Variants in ASTN2 observed in about 807,000 individuals in gnomAD.
The protein encoded by ASTN2 is astrotactin 2.
ASTN2 carries 54 observed loss-of-function variants against 139.8 expected under a neutral mutation model. The observed-to-expected ratio is 0.39, with a 90% CI of 0.31 to 0.48. ASTN2 has a LOEUF of 0.48. ASTN2 is among the 20% of genes least tolerant of loss of function. ASTN2 has a pLI of 0.95. For missense variants in ASTN2, 1,565 were observed against 1,725.1 expected, an observed-to-expected ratio of 0.91 and a Z score of 1.64; for synonymous variants, 756 against 719.5, an observed-to-expected ratio of 1.05 and a Z score of -0.81.
intron 10 of ASTN2, among the ~76,000 whole-genome samples, chr9:116,947,689 C>G (rs781166263): frequency 1.3e-5 from 2 of 152,142 alleles, no homozygotes; most frequent in Non-Finnish European, 2.9e-5. Flanking sequence ...TTCCATGAAC[C>G]ATTGGAGAGT....
chr9:116,820,935 C>G, intron 11 of ASTN2, 152 bp from the exon 12 acceptor site: 2 of 819,494 alleles, frequency 2.4e-6, no homozygotes, highest in Non-Finnish European at 3.6e-6. Flanking sequence ...TGACAAGTTC[C>G]ACAAGTCCCT....
intron 5 of ASTN2, among the ~76,000 whole-genome samples, chr9:117,090,044 G>C (rs1209835868): frequency 6.6e-6 from 1 of 152,298 alleles, no homozygotes; most frequent in East Asian, 1.9e-4. Context: ...ATACAGGTGA[G>C]GGTAACATAT....
intron 19 of ASTN2, among the ~76,000 whole-genome samples, chr9:116,488,083 T>C (rs1849398956): frequency 6.6e-6 from 1 of 152,174 alleles, no homozygotes; most frequent in Non-Finnish European, 1.5e-5. Context: ...CTTCACCATG[T>C]ACAGGATGTA....
At chr9:116,652,725 CT>C (rs2053243149) in intron 16 of ASTN2, among the ~76,000 whole-genome samples, 3 of 152,182 alleles carry the variant, frequency 2.0e-5, no homozygotes, top group Admixed American at 1.3e-4. Context: ...GGAGGTAGGA[CT>C]GTCTGGAAAA....
At chr9:117,264,564 T>G (rs75507127) in intron 2 of ASTN2, among the ~76,000 whole-genome samples, 109 of 152,184 alleles carry the variant, frequency 7.2e-4, no homozygotes, top group African/African-American at 2.6e-3. Flanking sequence ...GAAAAATAAA[T>G]AGGTCAGAGC....
chr9:116,908,364 C>T (rs1339182571), intron 10 of ASTN2, among the ~76,000 whole-genome samples: 1 of 152,030 alleles, frequency 6.6e-6, no homozygotes, highest in East Asian at 1.9e-4. Context: ...AAAAAAGACC[C>T]ACCTCACAGA....
intron 4 of ASTN2, among the ~76,000 whole-genome samples, chr9:117,137,938 T>G (rs1829991198): frequency 6.6e-6 from 1 of 152,158 alleles, no homozygotes. Flanking sequence ...TCAGTGAGTC[T>G]AAGGGGGAAA....
intron 7 of ASTN2, among the ~76,000 whole-genome samples, chr9:116,992,631 C>T (rs1425307533): frequency 6.6e-6 from 1 of 152,124 alleles, no homozygotes; most frequent in Non-Finnish European, 1.5e-5. Flanking sequence ...CAGTGTTTCT[C>T]TTCTCCTTTC....
chr9:116,723,015 A>G (rs978728692), intron 16 of ASTN2, among the ~76,000 whole-genome samples: 11 of 152,134 alleles, frequency 7.2e-5, no homozygotes, highest in African/African-American at 2.7e-4. Context: ...AATAGAAAAA[A>G]TTAGCCGGGC....
chr9:117,149,747 C>T (rs547469747), intron 3 of ASTN2, among the ~76,000 whole-genome samples: 1 of 152,300 alleles, frequency 6.6e-6, no homozygotes, highest in African/African-American at 2.4e-5. Context: ...AACTAGCGTT[C>T]CTTAGGCAGA....
chr9:116,555,498 G>C (rs535330215), intron 19 of ASTN2, among the ~76,000 whole-genome samples: 104 of 152,188 alleles, frequency 6.8e-4, no homozygotes, highest in African/African-American at 2.5e-3. Flanking sequence ...AATGGGAATG[G>C]GCTTTCCTCT....
intron 20 of ASTN2, among the ~76,000 whole-genome samples, chr9:116,447,951 G>C (rs192871536): frequency 6.8e-4 from 103 of 152,246 alleles, no homozygotes; most frequent in Admixed American, 5.7e-3. Context: ...CTCACAGCAG[G>C]GGTGAGAGAA....
intron 3 of ASTN2, among the ~76,000 whole-genome samples, chr9:117,143,000 A>T (rs1398990744): frequency 6.6e-6 from 1 of 152,054 alleles, no homozygotes; most frequent in Non-Finnish European, 1.5e-5. Context: ...GCTCCTGAAC[A>T]ACCCAGTACC....
intron 5 of ASTN2, among the ~76,000 whole-genome samples, chr9:117,058,778 A>C (rs1334035195): frequency 6.6e-6 from 1 of 152,168 alleles, no homozygotes; most frequent in Admixed American, 6.6e-5. Flanking sequence ...TCAGACATGA[A>C]AATGCTAGTG....
At chr9:117,095,581 C>T (rs904083077) in intron 5 of ASTN2, among the ~76,000 whole-genome samples, 1 of 152,170 alleles carries the variant, frequency 6.6e-6, no homozygotes, top group African/African-American at 2.4e-5. Flanking sequence ...CCCATTAACC[C>T]TGTACATTTT....
chr9:116,859,390 CAGAACCAGAAAGCTGAGCA>C (rs1303456651), intron 11 of ASTN2, among the ~76,000 whole-genome samples: 1 of 152,176 alleles, frequency 6.6e-6, no homozygotes, highest in Admixed American at 6.6e-5. Context: ...GTTACCACAG[CAGAACCAGAAAGCTGAGCA>C]AAAATATGTC....
In ASTN2 at chr9:116,467,917, C is replaced by G. The variant is rs74849833; in HGVS notation, c.3497+19442G>C. On this transcript the variant is annotated intron_variant, in intron 20 of 22. Coordinates refer to ENST00000313400, the MANE Select transcript of ASTN2 (RefSeq NM_001365068.1). Reference sequence around the variant, plus strand: ...CCTACGATTGGCTCTGCAGCTCAGCCTAGTGATGAGCAAACAAAACCTCTG... The same window carrying G: ...CCTACGATTGGCTCTGCAGCTCAGCGTAGTGATGAGCAAACAAAACCTCTG... Among the ~76,000 whole-genome samples the G allele has an allele frequency of 0.016, 2,421 of 152,244 alleles. 183 individuals are homozygous for G. In the South Asian group the frequency reaches 0.2, roughly 13 times the overall value.
intron 19 of ASTN2, among the ~76,000 whole-genome samples, chr9:116,579,823 G>A (rs1853875916): frequency 6.6e-6 from 1 of 152,146 alleles, no homozygotes. Context: ...TCACACCTAA[G>A]TCACATTATC....
At chr9:116,782,120 T>C (rs73655487) in intron 13 of ASTN2, among the ~76,000 whole-genome samples, 1 of 152,086 alleles carries the variant, frequency 6.6e-6, no homozygotes, top group Non-Finnish European at 1.5e-5. Context: ...GGAGAGAAAG[T>C]GTGGGCAGGG....
Sources: gnomAD v4.1 joint callset for allele counts (sites outside exome capture counted in the v4.1 genomes callset) on GRCh38, gnomAD v4.1.1 for gene constraint, MANE v1.5 for transcripts, NCBI Gene and HGNC (gene_info 2026-07-23, HGNC 2026-07-21) for gene names.